Variants in CACNA2D4 observed in about 807,000 individuals in gnomAD.
The protein encoded by CACNA2D4 is voltage-dependent calcium channel subunit alpha-2/delta-4.
CACNA2D4 carries 157 observed loss-of-function variants against 163.8 expected under a neutral mutation model. The observed-to-expected ratio is 0.96, with a 90% CI of 0.84 to 1.09. The LOEUF is 1.09. Ranked by LOEUF, CACNA2D4 falls within the 50% of genes least tolerant of loss-of-function variation. The pLI is 0.00. For synonymous variants in CACNA2D4, 598 were observed against 586.9 expected (o/e 1.02, Z -0.27); for missense variants, 1,410 against 1,479.9 (o/e 0.95, Z 0.78).
rs928890043 is a variant in CACNA2D4, at chr12:1,883,933, A to C, written c.1351+310T>G. 2.5e-6 allele frequency: 1 copy of C among 403,288 alleles called. No individual in the cohort carries two copies. The highest frequency in any genetic ancestry group is 4.5e-6 in the Non-Finnish European group (1 of 220,946). 25.0% of individuals were successfully genotyped at this position (403,288 alleles called of 1,614,324 possible). A position where few individuals can be genotyped will look rare whatever the true frequency, so the allele number is the denominator to read the frequency against. On this transcript the variant is annotated intron_variant, in intron 12 of 37. Transcript: ENST00000382722. This position sits in a 1 kb window ranked among gnomAD's most constrained non-coding sequence, Gnocchi z 4.5. ...AATGGGGTCTGGTCAGAGATAGATGAGGACCATTCACACACAAAACATTAT... is the reference window on the plus strand; with the variant it reads ...AATGGGGTCTGGTCAGAGATAGATGCGGACCATTCACACACAAAACATTAT...
Position 1,875,101 on chromosome 12 carries a change from G to T in CACNA2D4, c.1806+150C>A. On this transcript the variant is annotated intron_variant, in intron 17 of 37. Transcript: ENST00000382722. The surrounding 1 kb of genome is among the most constrained non-coding windows in gnomAD (Gnocchi z 4.0). ...AAAAGAATTGCTCATTTTAGGCATT[G>T]CTTGTGGCTTGAGCTTGGAAAGGCT... The T allele has an allele frequency of 1.6e-6, 1 of 629,260 alleles. No homozygotes were observed. Among genetic ancestry groups the T allele is most frequent in the Middle Eastern group, 3.1e-4 (1 of 3,240 alleles). 39.0% of individuals were successfully genotyped at this position (629,260 alleles called of 1,614,324 possible).
rs760431785 is a variant in CACNA2D4 at position 1,884,872 on chromosome 12, C to T, written c.1168G>A (p.Ala390Thr). ...AFQILKQFQE[A>T]KQGSLCNQAI... ...TGGTTGCAGAGGCTTCCTTGCTTGG[C>T]CTCTTGGAACTGTGTAGGGAAGAGG... The change falls in exon 11 of 38, where the codon GCC becomes ACC. Residue 390 changes from alanine to threonine, a missense_variant. Coordinates refer to ENST00000382722, the MANE Select transcript of CACNA2D4 (RefSeq NM_172364.5). The T allele has an allele frequency of 1.9e-6, 3 of 1,613,640 alleles. No individual in the cohort carries two copies. Among genetic ancestry groups the T allele is most frequent in the Non-Finnish European group, 2.5e-6 (3 of 1,179,636 alleles).
chr12:1,880,001 C>T (rs1865961082), intron 13 of CACNA2D4, 120 bp from the exon 14 acceptor site: 2 of 613,932 alleles, frequency 3.3e-6, no homozygotes, highest in Non-Finnish European at 5.8e-6. Context: ...GCGTCACCTT[C>T]CCACAGGAAG....
In CACNA2D4 at chr12:1,826,783, G is replaced by A. The variant is rs890394250; in HGVS notation, c.2551+13956C>T. ...AGGAGCACCCAAGGAGGGAGGGGCC[G>A]AGGGGACCAGAGGGGAGAAGATGGG... On this transcript the variant is annotated intron_variant, in intron 26 of 37. Transcript: ENST00000382722. Among the ~76,000 whole-genome samples, 30 of 152,228 alleles carry A rather than the reference G, an allele frequency of 2.0e-4. 1 individual carries two copies. Among genetic ancestry groups the A allele is most frequent in the Admixed American group, 5.2e-4 (8 of 15,288 alleles).
At chr12:1,858,750 A>C in intron 19 of CACNA2D4, 106 bp from the exon 20 acceptor site, 3 of 756,906 alleles carry the variant, frequency 4.0e-6, no homozygotes, top group South Asian at 2.4e-5. Flanking sequence ...GGCTTTTTGT[A>C]CCCACGACGA....
chr12:1,883,364 TTCTGCCAC>T lies in CACNA2D4; in HGVS notation c.1352-372_1352-365del, dbSNP rs1269799107. Among the ~76,000 whole-genome samples the T allele has an allele frequency of 6.6e-6, 1 of 152,202 alleles. No individual in the cohort carries two copies. Among genetic ancestry groups the T allele is most frequent in the African/African-American group, 2.4e-5 (1 of 41,456 alleles). On this transcript the variant is annotated intron_variant, in intron 12 of 37. Transcript: ENST00000382722. The surrounding 1 kb of genome is among the most constrained non-coding windows in gnomAD (Gnocchi z 4.5). ...TCATGAGAGTGCCCTGTAAGCTTTC[TTCTGCCAC>T]TCTTAGGTCTCTTCAGGGAACCCAA...
intron 18 of CACNA2D4, among the ~76,000 whole-genome samples, chr12:1,868,182 T>C (rs1047962038): frequency 6.6e-6 from 1 of 152,212 alleles, no homozygotes. Flanking sequence ...CATTGCACCA[T>C]TGATAGCCAA....
In CACNA2D4 at chr12:1,798,107, C is replaced by G. The variant is rs1180967341; in HGVS notation, c.2996-572G>C. On this transcript the variant is annotated intron_variant, in intron 34 of 37. Coordinates refer to ENST00000382722, the MANE Select transcript of CACNA2D4 (RefSeq NM_172364.5). The surrounding 1 kb of genome is among the most constrained non-coding windows in gnomAD (Gnocchi z 4.3). ...CGGAAGCCCAGAAGCCACAGCCACC[C>G]GGTGCGGGACTCCTCGGGGGCTGCG... Among the ~76,000 whole-genome samples the G allele has an allele frequency of 6.6e-6, 1 of 152,162 alleles. No homozygotes were observed. The highest frequency in any genetic ancestry group is 2.4e-5 in the African/African-American group (1 of 41,460).
chr12:1,872,183 A>C (rs576811577), intron 18 of CACNA2D4, among the ~76,000 whole-genome samples: 62 of 152,252 alleles, frequency 4.1e-4, no homozygotes, highest in African/African-American at 1.4e-3. Flanking sequence ...ACATGTTTCA[A>C]ACATGGGTCT....
At chr12:1,814,276 G>A (rs1437967865) in intron 26 of CACNA2D4, among the ~76,000 whole-genome samples, 2 of 152,262 alleles carry the variant, frequency 1.3e-5, no homozygotes, top group Non-Finnish European at 2.9e-5. Context: ...TGTAGGTGTT[G>A]AGGCTCCTTG....
At chr12:1,801,677 GGAGA>G (rs1382522600) in intron 29 of CACNA2D4, 33 bp from the exon 30 acceptor site, 10 of 1,437,774 alleles carry the variant, frequency 7.0e-6, no homozygotes, top group African/African-American at 1.4e-5. Context: ...AGAGAGGGAG[GGAGA>G]GAGATGGAGC....
chr12:1,860,881 G>T (rs942829336), intron 18 of CACNA2D4, among the ~76,000 whole-genome samples: 1 of 152,228 alleles, frequency 6.6e-6, no homozygotes, highest in South Asian at 2.1e-4. Flanking sequence ...GCTGGGCTTA[G>T]ATGAACCAGG....
rs138030753 is a variant in CACNA2D4 at position 1,798,291 on chromosome 12, T to C, written c.2996-756A>G. Among the ~76,000 whole-genome samples, 565 of 152,248 alleles carry C rather than the reference T, an allele frequency of 3.7e-3. 3 individuals are homozygous for C. The highest frequency in any genetic ancestry group is 0.021 in the South Asian group (100 of 4,824). The stretch of plus-strand genomic sequence containing the variant: ...GGCCCTGCCACACAGGCTGTCTGCA[T>C]GGCCCTTCTGTTCTCAGGGCCTGGC... On this transcript the variant is annotated intron_variant, in intron 34 of 37. Transcript: ENST00000382722. The surrounding 1 kb of genome is among the most constrained non-coding windows in gnomAD (Gnocchi z 4.3).
At chr12:1,853,723 C>A (rs562893987) in intron 23 of CACNA2D4, among the ~76,000 whole-genome samples, 4 of 152,304 alleles carry the variant, frequency 2.6e-5, no homozygotes, top group African/African-American at 9.6e-5. Flanking sequence ...GCATTTTGGC[C>A]ATTGAAGTCT....
chr12:1,809,020 G>A (rs888265676), intron 29 of CACNA2D4, among the ~76,000 whole-genome samples: 2 of 152,228 alleles, frequency 1.3e-5, no homozygotes, highest in Non-Finnish European at 2.9e-5. Context: ...GAAGTTGAAC[G>A]AAACCATCTT....
chr12:1,891,854 C>T (rs898067023), intron 6 of CACNA2D4, among the ~76,000 whole-genome samples: 1 of 151,830 alleles, frequency 6.6e-6, no homozygotes, highest in Non-Finnish European at 1.5e-5. Context: ...AACTCGAAGA[C>T]AGGTCTTTTG....
In CACNA2D4 at chr12:1,795,310, A is replaced by C; in HGVS notation, c.3298T>G (p.Phe1100Val). 6.2e-7 allele frequency: 1 copy of C among 1,613,188 alleles called. No homozygotes were observed. Among genetic ancestry groups the C allele is most frequent in the Non-Finnish European group, 8.5e-7 (1 of 1,179,852 alleles). The change falls in exon 37 of 38, where the codon TTC becomes GTC. Residue 1100 changes from phenylalanine (F) to valine (V), a missense_variant. Transcript: ENST00000382722. ...GCCTCAACCCGCACCTCTGGATGGA[A>C]GGCGTGGCAGGAGTCTGGTCGCCGG... ...LRRRPDSCHA[F>V]HPEENAQDCG...
Position 1,844,358 on chromosome 12 carries a change from G to A in CACNA2D4, c.2470+44C>T. The A allele has an allele frequency of 6.2e-7, 1 of 1,605,122 alleles. No homozygotes were observed. Among genetic ancestry groups the A allele is most frequent in the Non-Finnish European group, 8.5e-7 (1 of 1,174,856 alleles). Reference sequence around the variant, plus strand: ...CACAGCAGGAGGAGAGATGAGACTGGCCTGAGACTGGCCCAGCCCCGGGAG... The same window carrying A: ...CACAGCAGGAGGAGAGATGAGACTGACCTGAGACTGGCCCAGCCCCGGGAG... On this transcript the variant is annotated intron_variant, in intron 25 of 37. Transcript: ENST00000382722. This position sits in a 1 kb window ranked among gnomAD's most constrained non-coding sequence, Gnocchi z 4.2.
At position 1,806,915 on chromosome 12, in the gene CACNA2D4, C is replaced by T. The variant is rs1337466714; in HGVS notation, c.2721+3363G>A. Among the ~76,000 whole-genome samples the T allele has an allele frequency of 1.3e-5, 2 of 151,948 alleles. No homozygotes were observed. Among genetic ancestry groups the T allele is most frequent in the African/African-American group, 2.4e-5 (1 of 41,362 alleles). ...AGGGGAGGCCAGGCCCTGTGGCCCT[C>T]GATGGCACTTGTGTGTTTGGGGAAG... is the stretch of plus-strand genomic sequence containing the variant. On this transcript the variant is annotated intron_variant, in intron 29 of 37. Coordinates refer to ENST00000382722, the MANE Select transcript of CACNA2D4 (RefSeq NM_172364.5). This position sits in a 1 kb window ranked among gnomAD's most constrained non-coding sequence, Gnocchi z 4.1.
Sources: gnomAD v4.1 joint callset for allele counts (sites outside exome capture counted in the v4.1 genomes callset) on GRCh38, gnomAD v4.1.1 for gene constraint, Gnocchi (gnomAD v3.1) non-coding constraint, MANE v1.5 for transcripts, NCBI Gene and HGNC (gene_info 2026-07-23, HGNC 2026-07-21) for gene names.